RASGRF2: variants seen among roughly 807,000 people sequenced by gnomAD.
RASGRF2 encodes ras-specific guanine nucleotide-releasing factor 2.
In RASGRF2, 76 loss-of-function variants were observed where a neutral mutation model predicts 151.0. The observed-to-expected ratio is 0.50, with a 90% CI of 0.42 to 0.61. The LOEUF is 0.61. RASGRF2 is among the 20% of genes least tolerant of loss of function. The pLI, the probability that RASGRF2 is intolerant of heterozygous loss-of-function variation, is 0.00. For synonymous variants in RASGRF2, 504 were observed against 566.5 expected (o/e 0.89, Z 1.57); for missense variants, 1,148 against 1,564.6 (o/e 0.73, Z 4.49).
At chr5:81,010,548 A>T (rs1333146813) in intron 1 of RASGRF2, among the ~76,000 whole-genome samples, 1 of 152,180 alleles carries the variant, frequency 6.6e-6, no homozygotes, top group Non-Finnish European at 1.5e-5. Flanking sequence ...CAAAAATGTA[A>T]AGTTCTAGGT....
At chr5:81,074,849 G>T (rs1245350367) in intron 5 of RASGRF2, among the ~76,000 whole-genome samples, 2 of 152,168 alleles carry the variant, frequency 1.3e-5, no homozygotes, top group Non-Finnish European at 2.9e-5. Context: ...CAGGGGACAT[G>T]GGGCTTTCAC....
chr5:81,067,629 G>C (rs184834931), intron 2 of RASGRF2, among the ~76,000 whole-genome samples: 12 of 152,224 alleles, frequency 7.9e-5, no homozygotes, highest in African/African-American at 2.4e-4. Flanking sequence ...GGTTTATTTT[G>C]ATTGGCTAAT....
At chr5:81,041,822 T>C (rs1463326588) in intron 1 of RASGRF2, among the ~76,000 whole-genome samples, 1 of 152,198 alleles carries the variant, frequency 6.6e-6, no homozygotes, top group Non-Finnish European at 1.5e-5. Flanking sequence ...ATTTTATCAC[T>C]GCGTAAGCTC....
chr5:81,095,635 G>A (rs1378686526), intron 12 of RASGRF2, among the ~76,000 whole-genome samples: 1 of 152,170 alleles, frequency 6.6e-6, no homozygotes, highest in Admixed American at 6.5e-5. Flanking sequence ...CTCTGTAGGG[G>A]AAAAGTGTTG....
At chr5:81,008,139 C>CTTTTTTTTTTTTTTTTTTTTTTTTTTTT (rs58105434) in intron 1 of RASGRF2, among the ~76,000 whole-genome samples, 1 of 85,388 alleles carries the variant, frequency 1.2e-5, no homozygotes, top group Non-Finnish European at 2.2e-5. Flanking sequence ...TCTTTCTTTC[C>CTTTTTTTTTTTTTTTTTTTTTTTTTTTT]TTTTTTTTTT....
At chr5:81,168,309 CTTTTTTT>C (rs70994426) in intron 17 of RASGRF2, among the ~76,000 whole-genome samples, 3 of 115,994 alleles carry the variant, frequency 2.6e-5, no homozygotes, top group African/African-American at 6.7e-5. Context: ...TTTTTCTTCT[CTTTTTTT>C]TTTTTTTTTT....
At chr5:81,124,922 CTG>C (rs1356901024) in intron 16 of RASGRF2, among the ~76,000 whole-genome samples, 2 of 126,898 alleles carry the variant, frequency 1.6e-5, no homozygotes, top group African/African-American at 7.2e-5. Flanking sequence ...GAGTCTCACT[CTG>C]TTACCCAGGC....
At chr5:81,098,825 A>G (rs758072674) in intron 12 of RASGRF2, among the ~76,000 whole-genome samples, 1 of 152,184 alleles carries the variant, frequency 6.6e-6, no homozygotes, top group Non-Finnish European at 1.5e-5. Flanking sequence ...GAGATTTCGT[A>G]TCCATTCATG....
At chr5:81,173,791 A>C (rs1020408575) in intron 17 of RASGRF2, among the ~76,000 whole-genome samples, 2 of 152,310 alleles carry the variant, frequency 1.3e-5, no homozygotes, top group East Asian at 3.9e-4. Context: ...ACTCATTTCC[A>C]AGGTTTTGAG....
At chr5:81,118,765 A>G (rs947737909) in intron 15 of RASGRF2, among the ~76,000 whole-genome samples, 3 of 152,222 alleles carry the variant, frequency 2.0e-5, no homozygotes, top group Non-Finnish European at 4.4e-5. Context: ...AAAAGTAGCC[A>G]TGCAGCTTCT....
At chr5:81,207,717 C>T (rs1246485470) in intron 21 of RASGRF2, among the ~76,000 whole-genome samples, 1 of 152,240 alleles carries the variant, frequency 6.6e-6, no homozygotes, top group Non-Finnish European at 1.5e-5. Flanking sequence ...GGAATGCTGC[C>T]CTGAAGACAG....
intron 17 of RASGRF2, among the ~76,000 whole-genome samples, chr5:81,144,487 C>T (rs918330665): frequency 6.6e-6 from 1 of 152,340 alleles, no homozygotes; most frequent in African/African-American, 2.4e-5. Context: ...AACTTGATAA[C>T]ATGTAGTTAG....
At chr5:81,122,127 T>C (rs1753328844) in intron 15 of RASGRF2, among the ~76,000 whole-genome samples, 1 of 152,248 alleles carries the variant, frequency 6.6e-6, no homozygotes, top group African/African-American at 2.4e-5. Flanking sequence ...TAGGTGCCTG[T>C]TAGCTTACAG....
chr5:81,216,792 T>C (rs886948538), intron 24 of RASGRF2, among the ~76,000 whole-genome samples: 2 of 152,230 alleles, frequency 1.3e-5, no homozygotes, highest in African/African-American at 4.8e-5. Flanking sequence ...CTCCGGCCTC[T>C]GAGAAGACCA....
In RASGRF2 at chr5:81,229,619, C is replaced by T. The variant is rs1030348727; in HGVS notation, c.*3849C>T. ...GGATTGATAGCACTAGTCTGATCTGCTCAAGGAAAATAATAGTTCTATTAT... is the reference window on the plus strand; with the variant it reads ...GGATTGATAGCACTAGTCTGATCTGTTCAAGGAAAATAATAGTTCTATTAT... On this transcript the variant is annotated 3_prime_UTR_variant, in exon 27 of 27. Coordinates refer to ENST00000265080, the MANE Select transcript of RASGRF2 (RefSeq NM_006909.3). The T allele has an allele frequency of 2.6e-5, 4 of 152,190 alleles. No homozygotes were observed. Among genetic ancestry groups the T allele is most frequent in the Non-Finnish European group, 5.9e-5 (4 of 68,032 alleles). The allele number at this position is 152,190 out of a possible 1,614,324, so 9.4% of individuals were successfully genotyped here. A position where few individuals can be genotyped will look rare whatever the true frequency, so the allele number is the denominator to read the frequency against.
At chr5:81,179,348 T>A (rs1754859069) in intron 17 of RASGRF2, among the ~76,000 whole-genome samples, 1 of 152,116 alleles carries the variant, frequency 6.6e-6, no homozygotes. Context: ...CCACAACAAC[T>A]TTATGAGGTA....
chr5:80,967,042 A>G (rs182115692), intron 1 of RASGRF2, among the ~76,000 whole-genome samples: 2 of 152,212 alleles, frequency 1.3e-5, no homozygotes, highest in Non-Finnish European at 2.9e-5. Context: ...TTTAATTCTC[A>G]TAAGATCTGA....
intron 9 of RASGRF2, chr5:81,087,670 A>AT (rs1238333343): frequency 7.5e-6 from 3 of 398,644 alleles, no homozygotes; most frequent in South Asian, 6.1e-5. Context: ...ATCCCAAGTT[A>AT]TTTTTTTAGT....
At chr5:81,036,510 G>A (rs906093415) in intron 1 of RASGRF2, among the ~76,000 whole-genome samples, 1 of 151,756 alleles carries the variant, frequency 6.6e-6, no homozygotes, top group Non-Finnish European at 1.5e-5. Context: ...TTTTCTTCCT[G>A]GAATTAATAA....
Sources: gnomAD v4.1 joint callset for allele counts (sites outside exome capture counted in the v4.1 genomes callset) on GRCh38, gnomAD v4.1.1 for gene constraint, MANE v1.5 for transcripts, NCBI Gene and HGNC (gene_info 2026-07-23, HGNC 2026-07-21) for gene names.